BCAS3: variants seen among roughly 807,000 people sequenced by gnomAD.
BCAS3 encodes BCAS4/BCAS3 fusion.
In BCAS3, 53 loss-of-function variants were observed where a neutral mutation model predicts 116.1. That is an observed-to-expected ratio of 0.46 (90% CI 0.37 to 0.57). The LOEUF (loss-of-function observed/expected upper bound fraction) is 0.57. Ranked by LOEUF, BCAS3 falls within the 20% of genes least tolerant of loss-of-function variation. The probability of loss-of-function intolerance (pLI) is 0.00; values close to 1 mark genes in which losing one functional copy is unlikely to be tolerated. For missense variants in BCAS3, 917 were observed against 1,165.4 expected (o/e 0.79, Z 3.10); for synonymous variants, 391 against 408.2 (o/e 0.96, Z 0.51).
rs1391010029 is a variant in BCAS3 at position 60,961,817 on chromosome 17, T to C, written c.1221+14465T>C. ...TCAGATGGATAATGTGCTGACATTGTAACGAGGCTTGAGGAAGGCACATCT... is the reference window on the plus strand; with the variant it reads ...TCAGATGGATAATGTGCTGACATTGCAACGAGGCTTGAGGAAGGCACATCT... On this transcript the variant is annotated intron_variant, in intron 14 of 23. Coordinates refer to ENST00000407086, the MANE Select transcript of BCAS3 (RefSeq NM_017679.5). The surrounding 1 kb of genome is among the most constrained non-coding windows in gnomAD (Gnocchi z 4.8). Among the ~76,000 whole-genome samples, 1 of 151,936 alleles carries C rather than the reference T, an allele frequency of 6.6e-6. No homozygotes were observed. The highest frequency in any genetic ancestry group is 1.5e-5 in the Non-Finnish European group (1 of 67,978).
In BCAS3 at chr17:61,205,897, A is replaced by C. The variant is rs988721135; in HGVS notation, c.2425+121333A>C. On this transcript the variant is annotated intron_variant, in intron 22 of 23. Coordinates refer to ENST00000407086, the MANE Select transcript of BCAS3 (RefSeq NM_017679.5). This position sits in a 1 kb window ranked among gnomAD's most constrained non-coding sequence, Gnocchi z 5.2. ...AAAGATAAGGCAAACACAACCAAAA[A>C]GACAGCCCTTTTGCTTAGTTAGGAA... Among the ~76,000 whole-genome samples, 4 of 152,234 alleles carry C rather than the reference A, an allele frequency of 2.6e-5. No individual in the cohort carries two copies. The highest frequency in any genetic ancestry group is 5.9e-5 in the Non-Finnish European group (4 of 68,046).
chr17:60,712,428 T>C (rs1476944570), intron 5 of BCAS3, among the ~76,000 whole-genome samples: 1 of 152,116 alleles, frequency 6.6e-6, no homozygotes, highest in African/African-American at 2.4e-5. Flanking sequence ...TTATATTTCA[T>C]TGAGCTCTCA....
Position 61,313,318 on chromosome 17 carries a change from C to T in BCAS3, c.2426-55009C>T, listed in dbSNP as rs1422279752. On this transcript the variant is annotated intron_variant, in intron 22 of 23. Transcript: ENST00000407086. The surrounding 1 kb of genome is among the most constrained non-coding windows in gnomAD (Gnocchi z 4.3). ...GATTCTACTCCAAAGACTGTCTTCC[C>T]TCCACCATGCCCTACTACCTTCCTA... 6.6e-6 allele frequency among the ~76,000 whole-genome samples: 1 copy of T among 152,222 alleles called. No homozygotes were observed. Among genetic ancestry groups the T allele is most frequent in the African/African-American group, 2.4e-5 (1 of 41,460 alleles).
At chr17:61,081,056 C>A (rs1311606616) in intron 21 of BCAS3, among the ~76,000 whole-genome samples, 1 of 152,166 alleles carries the variant, frequency 6.6e-6, no homozygotes, top group Non-Finnish European at 1.5e-5. Context: ...GGAGTCAATT[C>A]TTTGCAGTCC....
chr17:61,125,328 G>A (rs1350054004), intron 22 of BCAS3, among the ~76,000 whole-genome samples: 1 of 152,150 alleles, frequency 6.6e-6, no homozygotes, highest in African/African-American at 2.4e-5. Flanking sequence ...CTCTCAGCCT[G>A]TGAAAGAAAA....
intron 22 of BCAS3, among the ~76,000 whole-genome samples, chr17:61,335,498 C>T (rs2056648952): frequency 6.6e-6 from 1 of 152,210 alleles, no homozygotes; most frequent in Admixed American, 6.5e-5. Flanking sequence ...CAGCTCAGAG[C>T]TCCGGGGAGT....
rs2061472558 is a variant in BCAS3, at chr17:60,962,788, G to A, written c.1221+15436G>A. ...ATTTTGCTTTGGTTGTCTAGGTTTT[G>A]AGGTCTTACACAAAAAGGCTTTGCC... On this transcript the variant is annotated intron_variant, in intron 14 of 23. Transcript: ENST00000407086. The surrounding 1 kb of genome is among the most constrained non-coding windows in gnomAD (Gnocchi z 4.4). 6.6e-6 allele frequency among the ~76,000 whole-genome samples: 1 copy of A among 152,122 alleles called. No individual in the cohort carries two copies. Among genetic ancestry groups the A allele is most frequent in the South Asian group, 2.1e-4 (1 of 4,828 alleles).
chr17:60,873,414 G>A (rs2055307800), intron 8 of BCAS3, among the ~76,000 whole-genome samples: 1 of 152,170 alleles, frequency 6.6e-6, no homozygotes, highest in Non-Finnish European at 1.5e-5. Flanking sequence ...AGCATCTGTT[G>A]CTCAGATTTA....
chr17:60,682,241 G>A (rs2033268949), intron 2 of BCAS3, among the ~76,000 whole-genome samples: 1 of 152,154 alleles, frequency 6.6e-6, no homozygotes, highest in African/African-American at 2.4e-5. Flanking sequence ...AAGGGGATGG[G>A]AAGGAATCCA....
intron 6 of BCAS3, among the ~76,000 whole-genome samples, chr17:60,797,620 G>T (rs1268962259): frequency 6.6e-6 from 1 of 151,958 alleles, no homozygotes; most frequent in African/African-American, 2.4e-5. Flanking sequence ...TGCTATGGTG[G>T]TTTGCTGCAC....
chr17:60,919,391 T>A (rs956617668), intron 12 of BCAS3, among the ~76,000 whole-genome samples: 1 of 152,190 alleles, frequency 6.6e-6, no homozygotes, highest in Admixed American at 6.5e-5. Flanking sequence ...AGTGGTGCGA[T>A]CTCAGTTCAC....
At chr17:61,119,456 A>G (rs2075668656) in intron 22 of BCAS3, among the ~76,000 whole-genome samples, 1 of 152,182 alleles carries the variant, frequency 6.6e-6, no homozygotes, top group Non-Finnish European at 1.5e-5. Context: ...AGATGCTGAA[A>G]GGGCATTTGA....
chr17:60,904,851 A>T (rs2058104062), intron 11 of BCAS3, among the ~76,000 whole-genome samples: 1 of 152,184 alleles, frequency 6.6e-6, no homozygotes, highest in Non-Finnish European at 1.5e-5. Flanking sequence ...TAAAAAACTC[A>T]CAAAGATGTC....
chr17:61,284,173 C>T (rs2144677104), intron 22 of BCAS3, among the ~76,000 whole-genome samples: 1 of 152,284 alleles, frequency 6.6e-6, no homozygotes, highest in East Asian at 1.9e-4. Context: ...TAAAATGGAC[C>T]AATCAGCAGG....
At chr17:61,040,716 T>A (rs1334647595) in intron 18 of BCAS3, 76 bp from the exon 19 acceptor site, 1 of 1,194,320 alleles carries the variant, frequency 8.4e-7, no homozygotes, top group Non-Finnish European at 1.2e-6. Flanking sequence ...TCACTGTTCA[T>A]AAGTGATGAC....
chr17:61,165,738 A>T (rs1261448815), intron 22 of BCAS3, among the ~76,000 whole-genome samples: 1 of 152,212 alleles, frequency 6.6e-6, no homozygotes, highest in East Asian at 1.9e-4. Flanking sequence ...TTTTAAAAAA[A>T]TACTAAAAAA....
At chr17:60,921,882 G>T (rs1045948084) in intron 12 of BCAS3, among the ~76,000 whole-genome samples, 16 of 151,626 alleles carry the variant, frequency 1.1e-4, no homozygotes, top group African/African-American at 3.9e-4. Context: ...AAGACTTTAC[G>T]TCAAGAAGTA....
intron 7 of BCAS3, among the ~76,000 whole-genome samples, chr17:60,832,481 A>G (rs938449099): frequency 5.3e-5 from 8 of 152,206 alleles, no homozygotes; most frequent in Non-Finnish European, 1.0e-4. Flanking sequence ...GCCTACAAAA[A>G]TAGAGTAATT....
intron 14 of BCAS3, chr17:60,980,707 T>A (rs2062755568): frequency 6.6e-6 from 1 of 152,070 alleles, no homozygotes; most frequent in Non-Finnish European, 1.5e-5. Context: ...CTAATTTTTC[T>A]ATTTTTTTTG....
Sources: allele counts gnomAD v4.1 joint callset (sites outside exome capture counted in the v4.1 genomes callset), GRCh38; gene constraint gnomAD v4.1.1; non-coding constraint Gnocchi (gnomAD v3.1); transcripts MANE v1.5; gene names NCBI Gene and HGNC (gene_info 2026-07-23, HGNC 2026-07-21).